Variants in TAFA1 observed in about 807,000 individuals in gnomAD.
TAFA1 encodes chemokine-like protein TAFA-1.
TAFA1 carries 4 observed loss-of-function variants against 18.5 expected under a neutral mutation model. That is an observed-to-expected ratio of 0.22 (90% CI 0.11 to 0.49). The LOEUF is 0.49. TAFA1 is among the 20% of genes least tolerant of loss of function. The probability of loss-of-function intolerance (pLI) is 0.98; values close to 1 mark genes in which losing one functional copy is unlikely to be tolerated. For missense variants in TAFA1, 147 were observed against 169.0 expected (o/e 0.87, Z 0.72); for synonymous variants, 56 against 55.2 (o/e 1.01, Z -0.06).
rs530042196 is a variant in TAFA1, at chr3:68,286,126, G to A, written c.119-131154G>A. On this transcript the variant is annotated intron_variant, in intron 2 of 4. Transcript: ENST00000478136. ...CTCGGGAGGCTGAGGCAGGAGAATC[G>A]CTTGAACCTGGGAGGCGGATGCTGC... is the stretch of plus-strand genomic sequence containing the variant. Among the ~76,000 whole-genome samples, 34 of 152,166 alleles carry A rather than the reference G, an allele frequency of 2.2e-4. No individual in the cohort carries two copies. The South Asian group carries it at 2.3e-3, about 10-fold the overall frequency.
chr3:68,249,562 A>G (rs541795022), intron 2 of TAFA1, among the ~76,000 whole-genome samples: 112 of 152,254 alleles, frequency 7.4e-4, no homozygotes, highest in Non-Finnish European at 1.3e-3. Context: ...TTATCAGTAA[A>G]AGGGGAATGG....
chr3:68,183,434 G>A (rs943506618), intron 2 of TAFA1, among the ~76,000 whole-genome samples: 21 of 152,110 alleles, frequency 1.4e-4, no homozygotes, highest in African/African-American at 5.1e-4. Flanking sequence ...CTTTAGTGAG[G>A]TATAAAAGTG....
chr3:68,138,855 T>G (rs1360782571), intron 2 of TAFA1, among the ~76,000 whole-genome samples: 1 of 152,216 alleles, frequency 6.6e-6, no homozygotes, highest in African/African-American at 2.4e-5. Context: ...AGTAAGGGAC[T>G]AAATCATTAC....
chr3:68,231,655 C>T lies in TAFA1; in HGVS notation c.119-185625C>T, dbSNP rs146215216. On this transcript the variant is annotated intron_variant, in intron 2 of 4. Transcript: ENST00000478136. ...GATTACAGGCGTGAGCCACCGCGCCCGGCCAATCTATTTGATTTTTGCTAA... is the reference window on the plus strand; with the variant it reads ...GATTACAGGCGTGAGCCACCGCGCCTGGCCAATCTATTTGATTTTTGCTAA... Among the ~76,000 whole-genome samples, 765 of 152,208 alleles carry T rather than the reference C, an allele frequency of 5.0e-3. 29 individuals carry two copies. In the East Asian group the frequency reaches 0.094, roughly 19 times the overall value.
At chr3:68,042,161 C>T (rs1418017350) in intron 2 of TAFA1, among the ~76,000 whole-genome samples, 1 of 152,132 alleles carries the variant, frequency 6.6e-6, no homozygotes, top group Admixed American at 6.6e-5. Flanking sequence ...TTTTTTCCTA[C>T]CCTAATTTGC....
chr3:68,096,333 G>T (rs1354612703), intron 2 of TAFA1, among the ~76,000 whole-genome samples: 1 of 151,738 alleles, frequency 6.6e-6, no homozygotes, highest in Non-Finnish European at 1.5e-5. Context: ...TCATCCATTG[G>T]TGGACACTTA....
intron 2 of TAFA1, among the ~76,000 whole-genome samples, chr3:68,068,409 T>A (rs1051174526): frequency 2.0e-5 from 3 of 152,212 alleles, no homozygotes; most frequent in Admixed American, 6.5e-5. Context: ...CTTGTTTATA[T>A]TAGCTGGCTA....
chr3:68,323,817 G>GTCC (rs1204489084), intron 2 of TAFA1, among the ~76,000 whole-genome samples: 2 of 152,192 alleles, frequency 1.3e-5, no homozygotes, highest in African/African-American at 4.8e-5. Flanking sequence ...TAGCCTTGGA[G>GTCC]TCCTCACTTG....
intron 2 of TAFA1, among the ~76,000 whole-genome samples, chr3:68,333,866 C>T (rs2068923839): frequency 1.3e-5 from 2 of 152,118 alleles, no homozygotes; most frequent in African/African-American, 4.8e-5. Context: ...CATGGATGAA[C>T]CTGGAGGATG....
intron 2 of TAFA1, among the ~76,000 whole-genome samples, chr3:68,375,336 C>A (rs1406436982): frequency 6.6e-6 from 1 of 152,128 alleles, no homozygotes; most frequent in Non-Finnish European, 1.5e-5. Flanking sequence ...AAGTTTTAAA[C>A]CTATTTTGAT....
At chr3:68,310,270 G>C (rs747398482) in intron 2 of TAFA1, among the ~76,000 whole-genome samples, 2 of 152,060 alleles carry the variant, frequency 1.3e-5, no homozygotes, top group Non-Finnish European at 2.9e-5. Flanking sequence ...ATCTTAAGTA[G>C]TTTTTGTTTA....
At chr3:68,142,286 T>C (rs1474549003) in intron 2 of TAFA1, among the ~76,000 whole-genome samples, 1 of 152,216 alleles carries the variant, frequency 6.6e-6, no homozygotes. Flanking sequence ...TTGGAGAAGT[T>C]AAAGTGCCCA....
intron 2 of TAFA1, among the ~76,000 whole-genome samples, chr3:68,297,233 A>G (rs2068223773): frequency 6.6e-6 from 1 of 152,244 alleles, no homozygotes; most frequent in African/African-American, 2.4e-5. Context: ...GTGAAACCAA[A>G]GTAAGTACCC....
Position 68,145,037 on chromosome 3 carries a change from A to G in TAFA1, c.118+138293A>G. 1.2e-6 allele frequency: 2 copies of G among 1,606,860 alleles called. 1 individual carries two copies. The highest frequency in any genetic ancestry group is 3.3e-5 in the Admixed American group (2 of 59,960). On this transcript the variant is annotated intron_variant, in intron 2 of 4. Transcript: ENST00000478136. ...GGCGGTGATGGCAGAAAGCGCCTTT[A>G]GTTTCAAAAAGTTGCTGGATCAGTG...
chr3:68,339,505 T>C (rs1439133009), intron 2 of TAFA1, among the ~76,000 whole-genome samples: 1 of 152,206 alleles, frequency 6.6e-6, no homozygotes, highest in African/African-American at 2.4e-5. Context: ...TATATTAATA[T>C]ATACTACATG....
chr3:68,383,568 C>G (rs144387905), intron 2 of TAFA1, among the ~76,000 whole-genome samples: 144 of 152,168 alleles, frequency 9.5e-4, no homozygotes, highest in African/African-American at 3.3e-3. Flanking sequence ...CGATGTGCTG[C>G]TGGATTCAGT....
At chr3:68,083,215 C>A (rs1380306902) in intron 2 of TAFA1, among the ~76,000 whole-genome samples, 3 of 152,140 alleles carry the variant, frequency 2.0e-5, no homozygotes, top group South Asian at 2.1e-4. Flanking sequence ...AAACAAAATA[C>A]ATTCTGGGCA....
intron 2 of TAFA1, among the ~76,000 whole-genome samples, chr3:68,123,727 T>C (rs1295679096): frequency 1.3e-5 from 2 of 152,102 alleles, no homozygotes; most frequent in East Asian, 1.9e-4. Flanking sequence ...TAAATCCACG[T>C]GATTGTTCAC....
intron 2 of TAFA1, chr3:68,144,916 A>G: frequency 1.4e-6 from 1 of 718,424 alleles, no homozygotes; most frequent in East Asian, 2.7e-5. Context: ...ATAATAGGTC[A>G]TATCTTAGAG....
Sources: allele counts gnomAD v4.1 joint callset (sites outside exome capture counted in the v4.1 genomes callset), GRCh38; gene constraint gnomAD v4.1.1; transcripts MANE v1.5; gene names NCBI Gene and HGNC (gene_info 2026-07-23, HGNC 2026-07-21).